The following SPTBN5 variants were observed in gnomAD, a reference collection of about 807,000 sequenced individuals.
The protein encoded by SPTBN5 is spectrin beta chain, non-erythrocytic 5.
A neutral mutation model predicts 477.6 loss-of-function variants in SPTBN5; 513 were observed. The ratio of observed to expected loss-of-function variants is 1.07; its 90% CI spans 1.00 to 1.16. SPTBN5 has a LOEUF of 1.16. Ranked by LOEUF, SPTBN5 falls within the 50% of genes most tolerant of loss-of-function variation. The pLI is 0.00. For synonymous variants in SPTBN5, 2,169 were observed against 2,011.7 expected (o/e 1.08, Z -2.09); for missense variants, 5,062 against 4,731.8 (o/e 1.07, Z -2.05).
Position 41,851,322 on chromosome 15 carries a change from G to A in SPTBN5, c.10704C>T (p.Ser3568=), listed in dbSNP as rs1187558552. ...WDSCRGNLQG[S]SLSLFLDERM... is the part of the protein sequence containing the mutation. ...TCTCATCCAGGAACAGGCTCAGAGA[G>A]CTGCCCTGCAAGTTCCCGCGGCAGC... The change falls in exon 64 of 68, where the codon AGC becomes AGT. Residue 3568 remains serine, a synonymous_variant. Transcript: ENST00000320955. The A allele has an allele frequency of 6.4e-7, 1 of 1,551,198 alleles. No individual in the cohort carries two copies. Among genetic ancestry groups the A allele is most frequent in the Non-Finnish European group, 8.7e-7 (1 of 1,147,012 alleles).
Position 41,876,809 on chromosome 15 carries a change from G to A in SPTBN5, c.3851C>T (p.Thr1284Met), listed in dbSNP as rs199853258. Residue 1284 changes from threonine to methionine, a missense_variant and splice_region_variant, in exon 19 of 68, where the codon ACG becomes ATG. Thr to Met is a moderately conservative substitution (Grantham distance 81). Coordinates refer to ENST00000320955, the MANE Select transcript of SPTBN5 (RefSeq NM_016642.4). Reference protein sequence around the residue: ...LVQSQHPAAHTVREQLQSIQA... With the variant: ...LVQSQHPAAHMVREQLQSIQA... ...TGCTGCAGACTGAGGCCAGGCTCAC[G>A]TGTGTGCAGCTGGGTGCTGGCTCTG... is the stretch of plus-strand genomic sequence containing the variant. The A allele has an allele frequency of 1.6e-5, 26 of 1,610,140 alleles. No individual in the cohort carries two copies. The African/African-American group carries it at 2.3e-4, about 14-fold the overall frequency.
Position 41,883,067 on chromosome 15 carries a change from C to T in SPTBN5, c.1821G>A (p.Val607=), listed in dbSNP as rs1345270589. ...TCCTGGCCTTGGCCTGCAGCACCTC[C>T]ACACTGGTGCCCAGGGAGGAGTCCA... is the stretch of plus-strand genomic sequence containing the variant. ...AELDSSLGTS[V]EVLQAKARTL... is the part of the protein sequence containing the mutation. Residue 607 remains valine, a synonymous_variant, in exon 9 of 68, where the codon GTG becomes GTA. Coordinates refer to ENST00000320955, the MANE Select transcript of SPTBN5 (RefSeq NM_016642.4). 1.9e-6 allele frequency: 3 copies of T among 1,588,004 alleles called. No individual in the cohort carries two copies. The highest frequency in any genetic ancestry group is 1.1e-5 in the South Asian group (1 of 87,556).
chr15:41,875,307 G>A (rs1051980749), intron 22 of SPTBN5, 151 bp downstream of exon 22: 69 of 1,060,404 alleles, frequency 6.5e-5, no homozygotes, highest in Non-Finnish European at 8.7e-5. Context: ...CCGACTGAGC[G>A]GAAAGCCACG....
intron 7 of SPTBN5, 65 bp from the exon 8 acceptor site, chr15:41,883,551 C>T: frequency 6.4e-7 from 1 of 1,573,736 alleles, no homozygotes; most frequent in Non-Finnish European, 8.6e-7. Flanking sequence ...TTCAGGGTTC[C>T]TGGTCTGTGG....
At chr15:41,873,246 C>A (rs1355384004) in intron 26 of SPTBN5, among the ~76,000 whole-genome samples, 2 of 152,068 alleles carry the variant, frequency 1.3e-5, no homozygotes, top group Non-Finnish European at 2.9e-5. Context: ...GGAGAAACCC[C>A]AAGGCCACAG....
In SPTBN5 at chr15:41,893,091, T is replaced by TCAGCC. The variant is rs3830471; in HGVS notation, c.217-35_217-31dup. 4.4e-6 allele frequency: 7 copies of TCAGCC among 1,597,532 alleles called. No individual in the cohort carries two copies. The African/African-American group carries it at 5.4e-5, about 12-fold the overall frequency. On this transcript the variant is annotated intron_variant, in intron 2 of 67. Transcript: ENST00000320955. ...GGAGGGGACAGGGGTAAGTATGGGG[T>TCAGCC]CAGCCCAGCCTCACCTGTCCTCCCA... is the stretch of plus-strand genomic sequence containing the variant.
chr15:41,874,566 G>A, intron 23 of SPTBN5, 88 bp from the exon 24 acceptor site: 1 of 1,159,192 alleles, frequency 8.6e-7, no homozygotes, highest in Admixed American at 2.8e-5. Context: ...CAGGGCCCGT[G>A]AAGAACAAGA....
At chr15:41,848,918 G>T (rs1365518185) in intron 67 of SPTBN5, among the ~76,000 whole-genome samples, 3 of 152,210 alleles carry the variant, frequency 2.0e-5, no homozygotes, top group Non-Finnish European at 4.4e-5. Flanking sequence ...GGTAGCCTCA[G>T]GAGCCACTGT....
intron 11 of SPTBN5, 43 bp from the exon 12 acceptor site, chr15:41,882,188 C>T: frequency 6.7e-7 from 1 of 1,501,240 alleles, no homozygotes; most frequent in Non-Finnish European, 8.8e-7. Context: ...AGGGGCGCGG[C>T]TGAGCGCGGG....
Position 41,853,670 on chromosome 15 carries a change from T to C in SPTBN5, c.9892A>G (p.Thr3298Ala), listed in dbSNP as rs2065847229. ...GLAKVQEAWA[T>A]LQAKAQERGQ... ...CGCTCCTGGGCCTTCGCCTGCAGGGTGGCCCAGGCCTCCTGCACCTTGGCC... is the reference window on the plus strand; with the variant it reads ...CGCTCCTGGGCCTTCGCCTGCAGGGCGGCCCAGGCCTCCTGCACCTTGGCC... The change falls in exon 58 of 68, where the codon ACC becomes GCC. Residue 3298 changes from threonine (T) to alanine (A), a missense_variant. Transcript: ENST00000320955. 2 of 1,600,274 alleles carry C rather than the reference T, an allele frequency of 1.2e-6. No homozygotes were observed. The highest frequency in any genetic ancestry group is 1.7e-6 in the Non-Finnish European group (2 of 1,175,176).
At position 41,871,410 on chromosome 15, in the gene SPTBN5, A is replaced by G; in HGVS notation, c.5412T>C (p.Ala1804=). ...AESLLERGHS[A]GPMVRQRQQD... ...GCTGCCTCTGACGGACCATGGGGCCAGCACTGTGCCCACGCTCTAGCAGGC... is the reference window on the plus strand; with the variant it reads ...GCTGCCTCTGACGGACCATGGGGCCGGCACTGTGCCCACGCTCTAGCAGGC... Residue 1804 remains alanine, a synonymous_variant, in exon 29 of 68, where the codon GCT becomes GCC. Transcript: ENST00000320955. The G allele has an allele frequency of 6.5e-7, 1 of 1,531,906 alleles. No homozygotes were observed. Among genetic ancestry groups the G allele is most frequent in the Non-Finnish European group, 8.8e-7 (1 of 1,137,952 alleles). 94.9% of individuals were successfully genotyped at this position (1,531,906 alleles called of 1,614,324 possible).
rs928148693 is a variant in SPTBN5, at chr15:41,854,854, G to A, written c.9546C>T (p.His3182=). The A allele has an allele frequency of 1.4e-5, 22 of 1,608,718 alleles. No individual in the cohort carries two copies. The highest frequency in any genetic ancestry group is 1.7e-5 in the Non-Finnish European group (20 of 1,177,442). Residue 3182 remains histidine (H), a synonymous_variant, in exon 56 of 68, where the codon CAC becomes CAT. Coordinates refer to ENST00000320955, the MANE Select transcript of SPTBN5 (RefSeq NM_016642.4). The part of the protein sequence containing the change: ...LERGAPRRYP[H]IQAQRSRIEA... ...CAATGCGGCTCCTCTGGGCTTGGAT[G>A]TGGGGATAGCGCCTGGGTGCACCCC... is the stretch of plus-strand genomic sequence containing the variant.
intron 16 of SPTBN5, among the ~76,000 whole-genome samples, 158 bp from the exon 17 acceptor site, chr15:41,878,787 G>A (rs889979009): frequency 2.6e-5 from 4 of 152,124 alleles, no homozygotes; most frequent in Non-Finnish European, 4.4e-5. Context: ...CATAGGGCTC[G>A]CCAGGTGCAG....
intron 53 of SPTBN5, 67 bp from the exon 54 acceptor site, chr15:41,855,812 G>T: frequency 1.4e-6 from 2 of 1,437,760 alleles, no homozygotes; most frequent in Non-Finnish European, 1.8e-6. Context: ...TTACAGCCAC[G>T]ATTCTCAGCC....
Position 41,870,071 on chromosome 15 carries a change from T to A in SPTBN5, c.5674-51A>T, listed in dbSNP as rs915417133. The A allele has an allele frequency of 8.3e-6, 12 of 1,453,334 alleles. No homozygotes were observed. In the African/African-American group the frequency reaches 8.6e-5, roughly 10 times the overall value. 90.0% of individuals were successfully genotyped at this position (1,453,334 alleles called of 1,614,324 possible). ...GGCAAGGGTCATGTCCTCCTGATTA[T>A]CCCACAGATGTATCCCTTGCCTGGG... On this transcript the variant is annotated intron_variant, in intron 31 of 67. Transcript: ENST00000320955.
In SPTBN5 at chr15:41,867,077, C is replaced by G; in HGVS notation, c.6362G>C (p.Arg2121Pro). The G allele has an allele frequency of 1.3e-6, 2 of 1,547,730 alleles. No individual in the cohort carries two copies. Among genetic ancestry groups the G allele is most frequent in the Non-Finnish European group, 1.7e-6 (2 of 1,147,466 alleles). ...CTGCAGCAGGATGGGAAGCCGGTCCCGCACCCGGGGGCGCCGGAGCGTCTT... is the reference window on the plus strand; with the variant it reads ...CTGCAGCAGGATGGGAAGCCGGTCCGGCACCCGGGGGCGCCGGAGCGTCTT... ...RLKTLRRPRV[R>P]DRLPILLQRR... is the part of the protein sequence containing the mutation. The change falls in exon 36 of 68, where the codon CGG becomes CCG. Residue 2121 changes from arginine (R) to proline (P), a missense_variant. Coordinates refer to ENST00000320955, the MANE Select transcript of SPTBN5 (RefSeq NM_016642.4).
At chr15:41,874,138 G>GACCC in intron 24 of SPTBN5, 93 bp from the exon 25 acceptor site, 1 of 1,507,282 alleles carries the variant, frequency 6.6e-7, no homozygotes, top group Non-Finnish European at 8.9e-7. Context: ...ATCATGGCAA[G>GACCC]ACCCCCAGGG....
chr15:41,857,714 C>T lies in SPTBN5; in HGVS notation c.8227-4G>A, dbSNP rs780173321. On this transcript the variant is annotated splice_polypyrimidine_tract_variant and splice_region_variant and intron_variant, in intron 49 of 67. Coordinates refer to ENST00000320955, the MANE Select transcript of SPTBN5 (RefSeq NM_016642.4). Reference sequence around the variant, plus strand: ...CCTGCAGCAGCCTCTGTCCCTCCTGCAGCCACAACATGAAACACACCTTGT... The same window carrying T: ...CCTGCAGCAGCCTCTGTCCCTCCTGTAGCCACAACATGAAACACACCTTGT... 3.8e-6 allele frequency: 6 copies of T among 1,566,490 alleles called. No homozygotes were observed. In the African/African-American group the frequency reaches 6.8e-5, roughly 18 times the overall value.
At chr15:41,854,999 A>AG in intron 55 of SPTBN5, 23 bp from the exon 56 acceptor site, 2 of 1,519,898 alleles carry the variant, frequency 1.3e-6, no homozygotes, top group Non-Finnish European at 1.8e-6. Context: ...GAGGCCCAGC[A>AG]GGGTCACTTG....
Sources: gnomAD v4.1 joint callset for allele counts (sites outside exome capture counted in the v4.1 genomes callset) on GRCh38, gnomAD v4.1.1 for gene constraint, MANE v1.5 for transcripts, NCBI Gene and HGNC (gene_info 2026-07-23, HGNC 2026-07-21) for gene names.